The following CNTD1 variants were observed in gnomAD, a reference collection of about 807,000 sequenced individuals.
CNTD1 encodes cyclin N-terminal domain containing 1.
In CNTD1, 17 loss-of-function variants were observed where a neutral mutation model predicts 36.3. The ratio of observed to expected loss-of-function variants is 0.47; its 90% CI spans 0.32 to 0.70. CNTD1 has a LOEUF of 0.70. CNTD1 is among the 30% of genes least tolerant of loss of function. The pLI is 0.03. For missense variants in CNTD1, 338 were observed against 386.1 expected (o/e 0.88, Z 1.04); for synonymous variants, 128 against 153.3 (o/e 0.83, Z 1.22).
In CNTD1 at chr17:42,799,520, G is replaced by A. The variant is rs979037472; in HGVS notation, c.169+284G>A. Among the ~76,000 whole-genome samples the A allele has an allele frequency of 2.6e-5, 4 of 151,910 alleles. No individual in the cohort carries two copies. The South Asian group carries it at 6.2e-4, about 24-fold the overall frequency. On this transcript the variant is annotated intron_variant, in intron 1 of 6. Transcript: ENST00000588408. ...TAATCCCAGCACTTTGGGAGGCTGA[G>A]GTGGGAGGTTCACCTGAGGTCAGGA...
chr17:42,808,023 C>G, intron 6 of CNTD1, 159 bp downstream of exon 6: 1 of 550,960 alleles, frequency 1.8e-6, no homozygotes, highest in East Asian at 3.1e-5. Flanking sequence ...TAGGATAGGG[C>G]TGAAATGTTT....
Position 42,806,686 on chromosome 17 carries a change from G to C in CNTD1, c.593G>C (p.Cys198Ser). ...TLLEVLGYNG[C>S]LVPAMRLHAT... is the part of the protein sequence containing the mutation. The stretch of plus-strand genomic sequence containing the variant: ...ATACTCCATCTAGGATACAATGGCT[G>C]TTTGGTTCCAGCCATGAGGCTGCAT... The change falls in exon 5 of 7, where the codon TGT becomes TCT. Residue 198 changes from cysteine to serine, a missense_variant. Coordinates refer to ENST00000588408, the MANE Select transcript of CNTD1 (RefSeq NM_173478.3). 1 of 1,614,082 alleles carries C rather than the reference G, an allele frequency of 6.2e-7. No individual in the cohort carries two copies. Among genetic ancestry groups the C allele is most frequent in the Non-Finnish European group, 8.5e-7 (1 of 1,179,964 alleles).
At position 42,800,069 on chromosome 17, in the gene CNTD1, TA is replaced by T. The variant is rs769118587; in HGVS notation, c.169+854del. Among the ~76,000 whole-genome samples, 469 of 63,966 alleles carry T rather than the reference TA, an allele frequency of 7.3e-3. 2 individuals are homozygous for T. Among genetic ancestry groups the T allele is most frequent in the African/African-American group, 8.4e-3 (125 of 14,796 alleles). The allele number at this position is 63,966 out of a possible 152,430, so 42.0% of individuals were successfully genotyped here. A position where few individuals can be genotyped will look rare whatever the true frequency, so the allele number is the denominator to read the frequency against. On this transcript the variant is annotated intron_variant, in intron 1 of 6. Transcript: ENST00000588408. ...ACGGGTGACAGAGCGAGACTCTGTC[TA>T]AAAAAAAAAAAAAAAAAAAAGAGAA...
chr17:42,801,310 A>G, intron 1 of CNTD1, among the ~76,000 whole-genome samples: 1 of 149,246 alleles, frequency 6.7e-6, no homozygotes, highest in South Asian at 2.1e-4. Context: ...AGCCTGGCCA[A>G]CATGGTGAAA....
rs537883563 is a variant in CNTD1 at position 42,807,275 on chromosome 17, C to T, written c.725+457C>T. Among the ~76,000 whole-genome samples the T allele has an allele frequency of 3.8e-3, 583 of 152,138 alleles. 7 individuals are homozygous for T. The highest frequency in any genetic ancestry group is 0.013 in the African/African-American group (523 of 41,508). ...CTAAAAATACAAAAAATTAGCCGGGCGTGGTGGCGGGCACCTGTAGTCCCA... is the reference window on the plus strand; with the variant it reads ...CTAAAAATACAAAAAATTAGCCGGGTGTGGTGGCGGGCACCTGTAGTCCCA... On this transcript the variant is annotated intron_variant, in intron 5 of 6. Transcript: ENST00000588408.
intron 1 of CNTD1, among the ~76,000 whole-genome samples, chr17:42,799,467 G>A (rs1459065685): frequency 6.6e-6 from 1 of 152,028 alleles, no homozygotes; most frequent in Non-Finnish European, 1.5e-5. Context: ...AGATGAAATA[G>A]AGGGCCAGGC....
intron 1 of CNTD1, among the ~76,000 whole-genome samples, chr17:42,803,163 G>A (rs1200698492): frequency 1.3e-5 from 2 of 152,214 alleles, no homozygotes; most frequent in Non-Finnish European, 2.9e-5. Context: ...AACAAACAGT[G>A]TCATAAAGAA....
At chr17:42,801,404 G>T (rs894065870) in intron 1 of CNTD1, among the ~76,000 whole-genome samples, 8 of 148,506 alleles carry the variant, frequency 5.4e-5, no homozygotes, top group Non-Finnish European at 1.5e-5. Flanking sequence ...GCTGAGGCAG[G>T]AGAATGGCTG....
chr17:42,809,680 A>C lies in CNTD1; in HGVS notation c.*145A>C. The C allele has an allele frequency of 1.4e-6, 1 of 730,308 alleles. No homozygotes were observed. Among genetic ancestry groups the C allele is most frequent in the Non-Finnish European group, 2.2e-6 (1 of 460,170 alleles). The allele number at this position is 730,308 out of a possible 1,614,324, so 45.2% of individuals were successfully genotyped here. ...CCAATTTCATGCTTATTTTTCCTTT[A>C]TCAGAGAGAGTTAAGGTGGACGAGC... On this transcript the variant is annotated 3_prime_UTR_variant, in exon 7 of 7. Transcript: ENST00000588408.
intron 1 of CNTD1, among the ~76,000 whole-genome samples, chr17:42,801,550 A>ATG (rs1567660364): frequency 1.0e-4 from 5 of 49,314 alleles, no homozygotes; most frequent in African/African-American, 2.9e-4. Flanking sequence ...TATATATAAT[A>ATG]TATGTGTGTG....
chr17:42,802,215 A>G (rs1450410258), intron 1 of CNTD1, among the ~76,000 whole-genome samples: 1 of 151,956 alleles, frequency 6.6e-6, no homozygotes, highest in Admixed American at 6.6e-5. Flanking sequence ...TTATTTATTT[A>G]TTTATTTATT....
chr17:42,803,616 G>T lies in CNTD1; in HGVS notation c.170-4G>T. 1 of 1,611,908 alleles carries T rather than the reference G, an allele frequency of 6.2e-7. No individual in the cohort carries two copies. The highest frequency in any genetic ancestry group is 1.7e-5 in the Admixed American group (1 of 59,616). On this transcript the variant is annotated splice_polypyrimidine_tract_variant and splice_region_variant and intron_variant, in intron 1 of 6. Coordinates refer to ENST00000588408, the MANE Select transcript of CNTD1 (RefSeq NM_173478.3). ...AATTAGGCTCTTTTTTCCTGTTTTG[G>T]CAGAGTTTGTTTTTCTCCTGTCTGA...
intron 5 of CNTD1, 35 bp downstream of exon 5, chr17:42,806,853 G>T (rs1335867664): frequency 6.2e-7 from 1 of 1,607,258 alleles, no homozygotes; most frequent in South Asian, 1.1e-5. Context: ...CTCCTTCCAG[G>T]AACAGGGAAG....
chr17:42,801,168 G>A (rs1957316931), intron 1 of CNTD1, among the ~76,000 whole-genome samples: 1 of 140,972 alleles, frequency 7.1e-6, no homozygotes, highest in African/African-American at 2.7e-5. Context: ...CTAGGCCACA[G>A]AGCAAGACTC....
chr17:42,804,431 G>T (rs755591350), intron 3 of CNTD1, 35 bp downstream of exon 3: 1 of 1,582,082 alleles, frequency 6.3e-7, no homozygotes, highest in Non-Finnish European at 8.6e-7. Flanking sequence ...GCACCTGAGT[G>T]TTAGGAAGAA....
chr17:42,808,755 A>G (rs1051084206), intron 6 of CNTD1, among the ~76,000 whole-genome samples: 1 of 151,458 alleles, frequency 6.6e-6, no homozygotes, highest in Non-Finnish European at 1.5e-5. Context: ...CAAAACAACA[A>G]CAACAACAAA....
intron 6 of CNTD1, among the ~76,000 whole-genome samples, chr17:42,808,828 G>C (rs2054931455): frequency 6.6e-6 from 1 of 151,816 alleles, no homozygotes; most frequent in Non-Finnish European, 1.5e-5. Flanking sequence ...CAGGAGGATT[G>C]CTTGAGCCCA....
rs776138285 is a variant in CNTD1 at position 42,811,198 on chromosome 17, T to C, written c.*1663T>C. On this transcript the variant is annotated 3_prime_UTR_variant, in exon 7 of 7. Transcript: ENST00000588408. ...GGGTGAGTGAGGGTTACAGTACTTC[T>C]TGCTGTTTTCCTAGGCATCCCTGAA... 5.6e-6 allele frequency: 2 copies of C among 354,624 alleles called. No homozygotes were observed. The highest frequency in any genetic ancestry group is 1.0e-5 in the Non-Finnish European group (2 of 199,862). The allele number at this position is 354,624 out of a possible 1,614,324, so 22.0% of individuals were successfully genotyped here. A position where few individuals can be genotyped will look rare whatever the true frequency, so the allele number is the denominator to read the frequency against.
intron 1 of CNTD1, among the ~76,000 whole-genome samples, chr17:42,800,007 T>C (rs1052259337): frequency 5.1e-5 from 7 of 137,106 alleles, no homozygotes; most frequent in African/African-American, 1.9e-4. Flanking sequence ...GAGCTTGCAG[T>C]GAGCTGAGAT....
Sources: allele counts gnomAD v4.1 joint callset (sites outside exome capture counted in the v4.1 genomes callset), GRCh38; gene constraint gnomAD v4.1.1; transcripts MANE v1.5; gene names NCBI Gene and HGNC (gene_info 2026-07-23, HGNC 2026-07-21).